The following MCM3AP variants were observed in gnomAD, a reference collection of about 807,000 sequenced individuals.
The protein encoded by MCM3AP is minichromosome maintenance complex component 3 associated protein.
In MCM3AP, 126 loss-of-function variants were observed where a neutral mutation model predicts 184.1. The observed-to-expected ratio is 0.68, with a 90% CI of 0.59 to 0.79. The LOEUF (loss-of-function observed/expected upper bound fraction) is 0.79, where lower values mean the gene tolerates loss of function less well. MCM3AP is among the 30% of genes least tolerant of loss of function. The probability of loss-of-function intolerance (pLI) is 0.00; values close to 1 mark genes in which losing one functional copy is unlikely to be tolerated. For synonymous variants in MCM3AP, 1,002 were observed against 979.3 expected (o/e 1.02, Z -0.43); for missense variants, 2,496 against 2,479.2 (o/e 1.01, Z -0.14).
intron 22 of MCM3AP, 94 bp downstream of exon 22, chr21:46,246,196 GTCTCTTAAGAAAAAGAC>G: frequency 5.8e-6 from 4 of 690,620 alleles, no homozygotes; most frequent in Non-Finnish European, 1.0e-5. Context: ...ATAAAACCCT[GTCTCTTAAGAAAAAGAC>G]AATGCAAACG....
At position 46,240,730 on chromosome 21, in the gene MCM3AP, T is replaced by C. The variant is rs1421769081; in HGVS notation, c.5633+81A>G. The stretch of plus-strand genomic sequence containing the variant: ...GCCCTTCTCCATCCTGGCTGTCTTA[T>C]ATTAATCAAGCAATAACCAGTCTCC... On this transcript the variant is annotated intron_variant, in intron 26 of 27. Transcript: ENST00000291688. 9.4e-6 allele frequency: 12 copies of C among 1,277,686 alleles called. No homozygotes were observed. In the East Asian group the frequency reaches 1.9e-4, roughly 20 times the overall value. The allele number at this position is 1,277,686 out of a possible 1,614,324, so 79.1% of individuals were successfully genotyped here. A position where few individuals can be genotyped will look rare whatever the true frequency, so the allele number is the denominator to read the frequency against.
In MCM3AP at chr21:46,277,584, C is replaced by A. The variant is rs1230046019; in HGVS notation, c.1801G>T (p.Glu601Ter). The A allele has an allele frequency of 6.2e-7, 1 of 1,609,216 alleles. No homozygotes were observed. The highest frequency in any genetic ancestry group is 1.7e-5 in the Admixed American group (1 of 59,346). Reference sequence around the variant, plus strand: ...AGGCGGTACTTCTCCTTGGATGTCTCAGCCACAGTGCCTATCAGGGTACTG... The same window carrying A: ...AGGCGGTACTTCTCCTTGGATGTCTAAGCCACAGTGCCTATCAGGGTACTG... ...SLSTLIGTVA[E>*]TSKEKYRLLD... is the part of the protein sequence containing the mutation. The change falls in exon 5 of 28, where the codon GAG (glutamate) becomes TAG (stop). Residue 601 changes from glutamate (E) to a stop codon, truncating the protein, a stop_gained. Transcript: ENST00000291688. LOFTEE classifies it high-confidence loss of function.
intron 20 of MCM3AP, chr21:46,249,832 CAGTTTATTTTA>C: frequency 8.4e-6 from 2 of 238,290 alleles, no homozygotes; most frequent in South Asian, 4.5e-5. Context: ...GAGGCTTGGG[CAGTTTATTTTA>C]CCGTCTCTGA....
Position 46,254,433 on chromosome 21 carries a change from C to T in MCM3AP, c.4095G>A (p.Val1365=), listed in dbSNP as rs748732391. ...GGGACTGCTCCTCTACATCCGGCAA[C>T]ACCAGCACCAGCTTCCAAAACACAT... ...QEHVFWKLVL[V]LPDVEEQSPE... The change falls in exon 19 of 28, where the codon GTG becomes GTA. Residue 1365 remains valine (V), a synonymous_variant. Transcript: ENST00000291688. The T allele has an allele frequency of 2.5e-6, 4 of 1,614,180 alleles. No homozygotes were observed. The highest frequency in any genetic ancestry group is 1.7e-6 in the Non-Finnish European group (2 of 1,180,036).
chr21:46,261,712 G>T (rs1175918676), intron 13 of MCM3AP, among the ~76,000 whole-genome samples: 1 of 139,958 alleles, frequency 7.1e-6, no homozygotes, highest in Non-Finnish European at 1.5e-5. Context: ...CAGCCTGGGC[G>T]ACACAGCGAG....
intron 26 of MCM3AP, among the ~76,000 whole-genome samples, chr21:46,238,985 G>A (rs2080598846): frequency 6.6e-6 from 1 of 152,202 alleles, no homozygotes; most frequent in East Asian, 1.9e-4. Flanking sequence ...AAACAAGAAG[G>A]TCGGAGATGG....
rs750546806 is a variant in MCM3AP, at chr21:46,259,099, C to T, written c.3582-8G>A. On this transcript the variant is annotated splice_region_variant and splice_polypyrimidine_tract_variant and intron_variant, in intron 15 of 27. Coordinates refer to ENST00000291688, the MANE Select transcript of MCM3AP (RefSeq NM_003906.5). ...TCTGTCTCTACTGCATTCCTAGAAACAGGGCAATCAGCATGGAAGACACTG... is the reference window on the plus strand; with the variant it reads ...TCTGTCTCTACTGCATTCCTAGAAATAGGGCAATCAGCATGGAAGACACTG... 1 of 1,602,262 alleles carries T rather than the reference C, an allele frequency of 6.2e-7. No individual in the cohort carries two copies. Among genetic ancestry groups the T allele is most frequent in the Non-Finnish European group, 8.5e-7 (1 of 1,174,544 alleles).
chr21:46,249,753 T>G (rs1445575172), intron 20 of MCM3AP: 3 of 351,598 alleles, frequency 8.5e-6, no homozygotes, highest in Non-Finnish European at 5.6e-6. Context: ...CACTGTCCTG[T>G]GCAGTCTGTG....
chr21:46,243,497 T>G lies in MCM3AP; in HGVS notation c.5264A>C (p.Asp1755Ala). The change falls in exon 24 of 28, where the codon GAC becomes GCC. Residue 1755 changes from aspartate (D) to alanine (A), a missense_variant. By Grantham distance (126) the Asp-to-Ala change is moderately radical. This residue lies in a region of MCM3AP where 1,323 missense variants were observed against 1,273.4 expected (regional missense o/e 1.04). Transcript: ENST00000291688. ...AACAGGAAGCCGGGGGGGCGTCCAG[T>G]CTCTCAGCTTGTGGTTGATACACAA... ...IALCINHKLR[D>A]WTPPRLPVTS... 6.2e-7 allele frequency: 1 copy of G among 1,613,056 alleles called. No homozygotes were observed. The highest frequency in any genetic ancestry group is 8.5e-7 in the Non-Finnish European group (1 of 1,179,200).
chr21:46,242,925 A>G lies in MCM3AP; in HGVS notation c.5303T>C (p.Leu1768Pro). ...PPRLPVTSEA[L>P]SEDGQICVYF... ...CACACATATCTGACCATCTTCACTC[A>G]GCGCCTCTGAGAAAACAATACAAAA... is the stretch of plus-strand genomic sequence containing the variant. The change falls in exon 25 of 28, where the codon CTG becomes CCG. Residue 1768 changes from leucine to proline, a missense_variant. Transcript: ENST00000291688. 6.2e-7 allele frequency: 1 copy of G among 1,607,340 alleles called. No homozygotes were observed. The highest frequency in any genetic ancestry group is 1.1e-5 in the South Asian group (1 of 90,022).
At chr21:46,261,042 C>G (rs924729835) in intron 14 of MCM3AP, 136 bp from the exon 15 acceptor site, 2 of 815,616 alleles carry the variant, frequency 2.5e-6, no homozygotes, top group Non-Finnish European at 2.0e-6. Context: ...CTCCAGCTCC[C>G]CTGACACCAC....
Position 46,245,022 on chromosome 21 carries a change from A to G in MCM3AP, c.4823T>C (p.Ile1608Thr). Residue 1608 changes from isoleucine to threonine, a missense_variant, in exon 23 of 28, where the codon ATC (isoleucine) becomes ACC (threonine). Coordinates refer to ENST00000291688, the MANE Select transcript of MCM3AP (RefSeq NM_003906.5). ...CAGCACACTGTTAAACAGCTCAATG[A>G]TGGCGCCAGGCTCCTGAGAAGCAAG... ...GGLASQEPGA[I>T]IELFNSVLQF... The G allele has an allele frequency of 6.2e-7, 1 of 1,614,170 alleles. No homozygotes were observed. Among genetic ancestry groups the G allele is most frequent in the Non-Finnish European group, 8.5e-7 (1 of 1,180,016 alleles).
At position 46,284,730 on chromosome 21, in the gene MCM3AP, G is replaced by A. The variant is rs754226494; in HGVS notation, c.557C>T (p.Pro186Leu). The A allele has an allele frequency of 6.2e-6, 10 of 1,614,066 alleles. No homozygotes were observed. Among genetic ancestry groups the A allele is most frequent in the Admixed American group, 3.3e-5 (2 of 60,012 alleles). Residue 186 changes from proline (P) to leucine (L), a missense_variant, in exon 1 of 28, where the codon CCT (proline) becomes CTT (leucine). Around this residue, in one of 5 missense-constraint regions of MCM3AP, gnomAD observed 800 missense variants for 717.1 expected, o/e 1.12. Coordinates refer to ENST00000291688, the MANE Select transcript of MCM3AP (RefSeq NM_003906.5). ...AAAAGAGAAAGGGGCCAGGCCTCCA[G>A]GTGCACTACTAATTGGGTGGGAAAA... ...FTFSHPISSA[P>L]GGLAPFSFPQ... is the part of the protein sequence containing the mutation.
intron 20 of MCM3AP, 36 bp downstream of exon 20, chr21:46,251,493 A>C: frequency 6.5e-7 from 1 of 1,547,286 alleles, no homozygotes; most frequent in Non-Finnish European, 8.9e-7. Context: ...AAAGTAATGA[A>C]AACACAGAAG....
chr21:46,241,097 G>A (rs531827294), intron 25 of MCM3AP, 80 bp from the exon 26 acceptor site: 2 of 1,031,114 alleles, frequency 1.9e-6, no homozygotes, highest in Non-Finnish European at 3.0e-6. Flanking sequence ...AGATACATTT[G>A]CACATGTGCA....
chr21:46,278,092 A>C (rs1367367770), intron 4 of MCM3AP, among the ~76,000 whole-genome samples: 2 of 152,082 alleles, frequency 1.3e-5, no homozygotes, highest in East Asian at 3.9e-4. Flanking sequence ...CAGAGGTTGC[A>C]GTGAGCTGAG....
Position 46,279,148 on chromosome 21 carries a change from C to A in MCM3AP, c.1667+845G>T, listed in dbSNP as rs117791166. Among the ~76,000 whole-genome samples, 321 of 151,906 alleles carry A rather than the reference C, an allele frequency of 2.1e-3. 1 individual carries two copies. Among genetic ancestry groups the A allele is most frequent in the Non-Finnish European group, 3.8e-3 (261 of 67,964 alleles). ...TAAAAATACAAAAATATTAGCTGGG[C>A]GTGGTGGAGCGCACCTGTAATCTCA... is the stretch of plus-strand genomic sequence containing the variant. On this transcript the variant is annotated intron_variant, in intron 4 of 27. Transcript: ENST00000291688.
rs895044430 is a variant in MCM3AP, at chr21:46,279,243, G to A, written c.1667+750C>T. ...GCAGAGGTTGCAGTGAGCCAAGATC[G>A]TGCCACTGAACTCCAACCTGGGCAA... On this transcript the variant is annotated intron_variant, in intron 4 of 27. Transcript: ENST00000291688. Among the ~76,000 whole-genome samples the A allele has an allele frequency of 1.2e-4, 18 of 148,544 alleles. No individual in the cohort carries two copies. The East Asian group carries it at 2.0e-3, about 16-fold the overall frequency.
chr21:46,254,992 T>C (rs1474120645), intron 17 of MCM3AP, 148 bp from the exon 18 acceptor site: 5 of 683,846 alleles, frequency 7.3e-6, no homozygotes, highest in Non-Finnish European at 1.3e-5. Context: ...ACAAATATCA[T>C]GTTAAGTATC....
Sources: gnomAD v4.1 joint callset for allele counts (sites outside exome capture counted in the v4.1 genomes callset) on GRCh38, gnomAD v4.1.1 for gene constraint, gnomAD v4.1.1 regional missense constraint, MANE v1.5 for transcripts, NCBI Gene and HGNC (gene_info 2026-07-23, HGNC 2026-07-21) for gene names.